Variants in ASIC2 observed in about 807,000 individuals in gnomAD.
The protein encoded by ASIC2 is acid sensing ion channel subunit 2, also known as acid-sensing ion channel 2.
A neutral mutation model predicts 57.3 loss-of-function variants in ASIC2; 25 were observed. The observed-to-expected ratio is 0.44, with a 90% CI of 0.32 to 0.61. The LOEUF (loss-of-function observed/expected upper bound fraction) is 0.61. Among genes scored for constraint, ASIC2 ranks in the 20% least tolerant of loss-of-function variants. The pLI is 0.06. For missense variants in ASIC2, 641 were observed against 738.1 expected (o/e 0.87, Z 1.52); for synonymous variants, 319 against 307.5 (o/e 1.04, Z -0.39).
intron 1 of ASIC2, among the ~76,000 whole-genome samples, chr17:33,967,916 A>G (rs1905119916): frequency 6.6e-6 from 1 of 152,068 alleles, no homozygotes; most frequent in Admixed American, 6.5e-5. Context: ...GAAATTGTTA[A>G]AGCTTTTTCA....
chr17:33,810,353 G>T (rs1437517142), intron 1 of ASIC2, among the ~76,000 whole-genome samples: 3 of 152,166 alleles, frequency 2.0e-5, no homozygotes, highest in African/African-American at 7.2e-5. Context: ...ATCATTTGGG[G>T]ATCTTTTAAA....
rs1046797135 is a variant in ASIC2 at position 33,211,562 on chromosome 17, A to G, written c.708+79846T>C. Among the ~76,000 whole-genome samples the G allele has an allele frequency of 2.0e-5, 3 of 151,430 alleles. No individual in the cohort carries two copies. The South Asian group carries it at 6.3e-4, about 32-fold the overall frequency. The stretch of plus-strand genomic sequence containing the variant: ...AAAAAAAAAAAAAAAAATCAAAGTG[A>G]AGATCTGACCTGCTGGGGATTCTCA... On this transcript the variant is annotated intron_variant, in intron 1 of 9. Coordinates refer to ENST00000225823, the MANE Select transcript of ASIC2 (RefSeq NM_183377.2).
intron 1 of ASIC2, among the ~76,000 whole-genome samples, chr17:33,778,498 G>T (rs1447404510): frequency 6.6e-6 from 1 of 152,010 alleles, no homozygotes; most frequent in Non-Finnish European, 1.5e-5. Flanking sequence ...GGATGATTTG[G>T]CCCAGAAAGA....
intron 1 of ASIC2, among the ~76,000 whole-genome samples, chr17:33,750,440 G>A (rs1321160745): frequency 6.6e-6 from 1 of 152,168 alleles, no homozygotes; most frequent in Non-Finnish European, 1.5e-5. Context: ...GCACTCAGGA[G>A]GCCCTGGAGC....
At chr17:33,298,016 C>G (rs1272853389), upstream of ASIC2, among the ~76,000 whole-genome samples, 1 of 146,902 alleles carries the variant, frequency 6.8e-6, no homozygotes, top group Non-Finnish European at 1.5e-5. Flanking sequence ...GTCTGCCTCC[C>G]TCTCCCCTCC....
chr17:33,486,970 C>T (rs774519150), intron 1 of ASIC2, among the ~76,000 whole-genome samples: 2 of 152,068 alleles, frequency 1.3e-5, no homozygotes, highest in Non-Finnish European at 2.9e-5. Flanking sequence ...GGAGGTGTGG[C>T]GGGAAAGAGA....
intron 1 of ASIC2, among the ~76,000 whole-genome samples, chr17:33,856,725 T>G (rs1016923148): frequency 5.9e-5 from 9 of 152,132 alleles, no homozygotes; most frequent in Non-Finnish European, 1.3e-4. Flanking sequence ...ACAAGGAGGC[T>G]AGAGCATTCA....
At chr17:33,723,410 C>A (rs1260515642) in intron 1 of ASIC2, among the ~76,000 whole-genome samples, 1 of 152,166 alleles carries the variant, frequency 6.6e-6, no homozygotes, top group Non-Finnish European at 1.5e-5. Context: ...CTCACTGCAA[C>A]CTCCTCTTCC....
chr17:33,531,732 C>T lies in ASIC2; in HGVS notation c.556-419665G>A, dbSNP rs542171658. On this transcript the variant is annotated intron_variant, in intron 1 of 9. Transcript: ENST00000359872. Reference sequence around the variant, plus strand: ...AGGCCCTTCTTTCCTCCATCCTCTACGTCCCCAACTCCCAGCTTCTTTTTC... The same window carrying T: ...AGGCCCTTCTTTCCTCCATCCTCTATGTCCCCAACTCCCAGCTTCTTTTTC... Among the ~76,000 whole-genome samples, 203 of 152,318 alleles carry T rather than the reference C, an allele frequency of 1.3e-3. 1 individual carries two copies. Among genetic ancestry groups the T allele is most frequent in the Non-Finnish European group, 2.1e-3 (141 of 68,022 alleles).
chr17:33,795,472 T>A (rs1480076675), intron 1 of ASIC2, among the ~76,000 whole-genome samples: 1 of 152,226 alleles, frequency 6.6e-6, no homozygotes, highest in Non-Finnish European at 1.5e-5. Context: ...CATGTGCAAG[T>A]CTCTCAGAGT....
At chr17:34,055,421 T>G (rs1597997147) in intron 1 of ASIC2, among the ~76,000 whole-genome samples, 2 of 152,324 alleles carry the variant, frequency 1.3e-5, no homozygotes. Context: ...AGTTTTATTT[T>G]CCTCTTTTTG....
At chr17:33,047,850 T>G (rs1461864104) in intron 3 of ASIC2, among the ~76,000 whole-genome samples, 4 of 152,218 alleles carry the variant, frequency 2.6e-5, no homozygotes, top group Non-Finnish European at 4.4e-5. Flanking sequence ...TCTTGAATGC[T>G]TTGACAATTA....
At chr17:33,879,661 C>T (rs1373235298) in intron 1 of ASIC2, among the ~76,000 whole-genome samples, 1 of 152,166 alleles carries the variant, frequency 6.6e-6, no homozygotes, top group African/African-American at 2.4e-5. Context: ...TAATGGGAGA[C>T]TTTAACACCC....
chr17:33,046,995 G>A (rs76939849), intron 3 of ASIC2, among the ~76,000 whole-genome samples: 5 of 152,236 alleles, frequency 3.3e-5, no homozygotes, highest in African/African-American at 7.2e-5. Flanking sequence ...CCCTGCACTC[G>A]TGATGCCGCA....
rs1192037035 is a variant in ASIC2, at chr17:33,654,431, T to G, written c.555+501547A>C. 2.0e-5 allele frequency among the ~76,000 whole-genome samples: 3 copies of G among 152,200 alleles called. No homozygotes were observed. The East Asian group carries it at 5.8e-4, about 29-fold the overall frequency. On this transcript the variant is annotated intron_variant, in intron 1 of 9. Transcript: ENST00000359872. ...GTAGCTCTGTGCTTGGCTTCTTGGC[T>G]CTGAGCCTTAATCAATAACCTACTC...
At chr17:33,669,460 A>G (rs1433047251) in intron 1 of ASIC2, among the ~76,000 whole-genome samples, 1 of 152,230 alleles carries the variant, frequency 6.6e-6, no homozygotes, top group African/African-American at 2.4e-5. Flanking sequence ...AGGCAGGTAG[A>G]TAGACAGACA....
chr17:33,589,258 C>T (rs1225530407), intron 1 of ASIC2, among the ~76,000 whole-genome samples: 2 of 152,176 alleles, frequency 1.3e-5, no homozygotes, highest in African/African-American at 4.8e-5. Context: ...CCCAGGCACA[C>T]AGAGGATGCT....
In ASIC2 at chr17:33,412,163, G is replaced by A. The variant is rs8077334; in HGVS notation, c.556-300096C>T. The stretch of plus-strand genomic sequence containing the variant: ...AGCCTTCGTTGGGCCAGTTTTCATC[G>A]CTCCTTGATCCTATTGCTTTTTCTC... On this transcript the variant is annotated intron_variant, in intron 1 of 9. Coordinates refer to the ASIC2 transcript ENST00000359872. Among the ~76,000 whole-genome samples the A allele has an allele frequency of 3.3e-5, 5 of 152,126 alleles. No individual in the cohort carries two copies. In the South Asian group the frequency reaches 6.2e-4, roughly 19 times the overall value.
chr17:33,472,950 A>G (rs1387735866), intron 1 of ASIC2, among the ~76,000 whole-genome samples: 1 of 152,176 alleles, frequency 6.6e-6, no homozygotes. Flanking sequence ...AGCTCAGCAA[A>G]TGAGCTCAGT....
Sources: gnomAD v4.1 joint callset for allele counts (sites outside exome capture counted in the v4.1 genomes callset) on GRCh38, gnomAD v4.1.1 for gene constraint, MANE v1.5 for transcripts, NCBI Gene and HGNC (gene_info 2026-07-23, HGNC 2026-07-21) for gene names.